Variants in DNASE1L3 observed in about 807,000 individuals in gnomAD.
DNASE1L3 encodes deoxyribonuclease 1L3.
DNASE1L3 carries 27 observed loss-of-function variants against 30.9 expected under a neutral mutation model. The observed-to-expected ratio is 0.87, with a 90% CI of 0.64 to 1.20. The LOEUF (loss-of-function observed/expected upper bound fraction) is 1.20, where lower values mean the gene tolerates loss of function less well. Among genes scored for constraint, DNASE1L3 ranks in the 50% most tolerant of loss-of-function variants. DNASE1L3 has a pLI of 0.00. For missense variants in DNASE1L3, 364 were observed against 378.2 expected (o/e 0.96, Z 0.31); for synonymous variants, 135 against 138.0 (o/e 0.98, Z 0.15).
At chr3:58,201,222 G>T (rs2097400377) in intron 4 of DNASE1L3, 113 bp from the exon 5 acceptor site, 2 of 717,030 alleles carry the variant, frequency 2.8e-6, no homozygotes, top group South Asian at 2.7e-5. Context: ...CATTATCTGG[G>T]TCCCCAGTTC....
At chr3:58,208,125 G>T in intron 2 of DNASE1L3, 93 bp downstream of exon 2, 1 of 1,238,970 alleles carries the variant, frequency 8.1e-7, no homozygotes, top group Non-Finnish European at 1.2e-6. Flanking sequence ...GTGGTCAAGT[G>T]CGGGATCTCA....
intron 5 of DNASE1L3, among the ~76,000 whole-genome samples, chr3:58,199,547 G>A (rs2097399335): frequency 6.6e-6 from 1 of 152,146 alleles, no homozygotes; most frequent in Non-Finnish European, 1.5e-5. Context: ...GCACATGCCT[G>A]TAATCCCAGC....
Position 58,192,511 on chromosome 3 carries a change from A to G in DNASE1L3, c.*176T>C. ...TTAGACAATTCAGGGGAGGTATGAGACCAAGAGAGATACAAAAGATTCTCC... is the reference window on the plus strand; with the variant it reads ...TTAGACAATTCAGGGGAGGTATGAGGCCAAGAGAGATACAAAAGATTCTCC... On this transcript the variant is annotated 3_prime_UTR_variant, in exon 8 of 8. Transcript: ENST00000394549. This position sits in a 1 kb window ranked among gnomAD's most constrained non-coding sequence, Gnocchi z 4.8. The G allele has an allele frequency of 1.6e-6, 1 of 634,278 alleles. No individual in the cohort carries two copies. The highest frequency in any genetic ancestry group is 2.6e-6 in the Non-Finnish European group (1 of 383,458). The allele number at this position is 634,278 out of a possible 1,614,324, so 39.3% of individuals were successfully genotyped here. A position where few individuals can be genotyped will look rare whatever the true frequency, so the allele number is the denominator to read the frequency against.
At chr3:58,208,331 G>T (rs780199881) in intron 1 of DNASE1L3, 25 bp from the exon 2 acceptor site, 2 of 1,611,824 alleles carry the variant, frequency 1.2e-6, no homozygotes, top group Admixed American at 3.3e-5. Context: ...ATTCCCAGGG[G>T]TTTGAGGTCA....
At chr3:58,207,441 ACC>A (rs751811685) in intron 2 of DNASE1L3, among the ~76,000 whole-genome samples, 1,250 of 33,656 alleles carry the variant, frequency 0.037, 11 homozygotes, top group African/African-American at 0.055. Flanking sequence ...CTCTGATCAC[ACC>A]CCCCCCCCCC....
Position 58,200,976 on chromosome 3 carries a change from G to C in DNASE1L3, c.546+21C>G. On this transcript the variant is annotated intron_variant, in intron 5 of 7. Transcript: ENST00000394549. The surrounding 1 kb of genome is among the most constrained non-coding windows in gnomAD (Gnocchi z 4.2). Reference sequence around the variant, plus strand: ...GCCTGCCCCTGCTAGATGGGAATTCGTCTGACACAGCAGTCCTCACCTCCG... The same window carrying C: ...GCCTGCCCCTGCTAGATGGGAATTCCTCTGACACAGCAGTCCTCACCTCCG... The C allele has an allele frequency of 6.3e-7, 1 of 1,599,002 alleles. No homozygotes were observed. Among genetic ancestry groups the C allele is most frequent in the South Asian group, 1.1e-5 (1 of 89,448 alleles).
intron 1 of DNASE1L3, among the ~76,000 whole-genome samples, chr3:58,209,449 T>C (rs551785675): frequency 1.1e-4 from 17 of 152,294 alleles, no homozygotes; most frequent in African/African-American, 2.9e-4. Context: ...GGGTTTCCCA[T>C]TGAACAATCT....
In DNASE1L3 at chr3:58,193,395, T is replaced by A. The variant is rs1475250583; in HGVS notation, c.749A>T (p.Lys250Met). Residue 250 changes from lysine to methionine, a missense_variant, in exon 7 of 8, where the codon AAG becomes ATG. By Grantham distance (95) the Lys-to-Met change is moderately conservative. Coordinates refer to ENST00000394549, the MANE Select transcript of DNASE1L3 (RefSeq NM_004944.4). ...CTGGAAGTCAAAAACACTGTTTGAC[T>A]TGGGAACAACAGAACTGACGATTTC... Reference protein sequence around the residue: ...GQEIVSSVVPKSNSVFDFQKA... With the variant: ...GQEIVSSVVPMSNSVFDFQKA... 6.2e-7 allele frequency: 1 copy of A among 1,614,166 alleles called. No homozygotes were observed.
Position 58,205,484 on chromosome 3 carries a change from C to G in DNASE1L3, c.307G>C (p.Ala103Pro). ...GGTGATACTTACTTGTAGAGAAAGG[C>G]ATATTGTTCTTTATATGTGTTTCTT... ...LGRNTYKEQYAFLYKEKLVSV... is the reference protein window; with the variant it reads ...LGRNTYKEQYPFLYKEKLVSV... The change falls in exon 3 of 8, where the codon GCC becomes CCC. Residue 103 changes from alanine to proline, a missense_variant. Coordinates refer to ENST00000394549, the MANE Select transcript of DNASE1L3 (RefSeq NM_004944.4). 1 of 1,613,736 alleles carries G rather than the reference C, an allele frequency of 6.2e-7. No homozygotes were observed.
chr3:58,205,217 G>C (rs2097403134), intron 3 of DNASE1L3, among the ~76,000 whole-genome samples: 1 of 152,234 alleles, frequency 6.6e-6, no homozygotes, highest in Admixed American at 6.5e-5. Context: ...GCCAGGACTT[G>C]ACTATGAGGA....
rs1324775576 is a variant in DNASE1L3, at chr3:58,197,485, C to T, written c.704+336G>A. Among the ~76,000 whole-genome samples the T allele has an allele frequency of 1.3e-5, 2 of 152,128 alleles. No homozygotes were observed. Among genetic ancestry groups the T allele is most frequent in the Admixed American group, 6.5e-5 (1 of 15,272 alleles). On this transcript the variant is annotated intron_variant, in intron 6 of 7. Coordinates refer to ENST00000394549, the MANE Select transcript of DNASE1L3 (RefSeq NM_004944.4). The surrounding 1 kb of genome is among the most constrained non-coding windows in gnomAD (Gnocchi z 5.3). ...TTTTTATTTTTGAGACAAAGTCTCA[C>T]TCTGTTACCCAGGCTGGAGTGCAGT...
intron 3 of DNASE1L3, 100 bp from the exon 4 acceptor site, chr3:58,204,981 G>T: frequency 9.2e-7 from 1 of 1,088,576 alleles, no homozygotes. Context: ...TCAGAAGCCA[G>T]AGCAGGCTCA....
rs768829032 is a variant in DNASE1L3, at chr3:58,200,913, C to T, written c.546+84G>A. The T allele has an allele frequency of 4.6e-6, 5 of 1,078,360 alleles. No individual in the cohort carries two copies. The highest frequency in any genetic ancestry group is 3.3e-5 in the South Asian group (2 of 61,312). 66.8% of individuals were successfully genotyped at this position (1,078,360 alleles called of 1,614,324 possible). On this transcript the variant is annotated intron_variant, in intron 5 of 7. Coordinates refer to ENST00000394549, the MANE Select transcript of DNASE1L3 (RefSeq NM_004944.4). This position sits in a 1 kb window ranked among gnomAD's most constrained non-coding sequence, Gnocchi z 4.2. ...GCCTGCACATGCCCTTCCTCCTCCC[C>T]CTCCCTGGAGAGGTACTCATCCCAC...
chr3:58,207,139 G>A (rs895979252), intron 2 of DNASE1L3, among the ~76,000 whole-genome samples: 1 of 152,180 alleles, frequency 6.6e-6, no homozygotes, highest in Non-Finnish European at 1.5e-5. Flanking sequence ...GGGAGGCTGA[G>A]AGGGGCAGAT....
rs1003737568 is a variant in DNASE1L3, at chr3:58,197,542, T to C, written c.704+279A>G. On this transcript the variant is annotated intron_variant, in intron 6 of 7. Transcript: ENST00000394549. This position sits in a 1 kb window ranked among gnomAD's most constrained non-coding sequence, Gnocchi z 5.3. ...ATCCTGGCTCACTGCAGCCTCCACC[T>C]TCTGGGCTCAAGCGATCCTCCCACC... 6.6e-6 allele frequency among the ~76,000 whole-genome samples: 1 copy of C among 152,212 alleles called. No homozygotes were observed. Among genetic ancestry groups the C allele is most frequent in the Non-Finnish European group, 1.5e-5 (1 of 68,032 alleles).
chr3:58,203,328 A>G (rs2097401970), intron 4 of DNASE1L3, among the ~76,000 whole-genome samples: 1 of 152,130 alleles, frequency 6.6e-6, no homozygotes, highest in Admixed American at 6.6e-5. Context: ...TTTTGTGCTC[A>G]CTGTGCCCTC....
intron 1 of DNASE1L3, 65 bp from the exon 2 acceptor site, chr3:58,208,371 G>T: frequency 1.3e-6 from 2 of 1,504,698 alleles, no homozygotes; most frequent in Non-Finnish European, 1.9e-6. Flanking sequence ...ACCTTTTATT[G>T]GACACTTACT....
At chr3:58,209,676 G>A (rs989827175) in intron 1 of DNASE1L3, among the ~76,000 whole-genome samples, 4 of 152,186 alleles carry the variant, frequency 2.6e-5, no homozygotes, top group Admixed American at 1.3e-4. Context: ...GCTCTGCTGG[G>A]TGCCTCAGGC....
intron 6 of DNASE1L3, among the ~76,000 whole-genome samples, chr3:58,196,563 A>C (rs1477459679): frequency 1.3e-5 from 2 of 150,668 alleles, no homozygotes; most frequent in African/African-American, 4.9e-5. Flanking sequence ...AAAAAAAAAA[A>C]AAAAAAAAAA....
Sources: gnomAD v4.1 joint callset for allele counts (sites outside exome capture counted in the v4.1 genomes callset) on GRCh38, gnomAD v4.1.1 for gene constraint, Gnocchi (gnomAD v3.1) non-coding constraint, MANE v1.5 for transcripts, NCBI Gene and HGNC (gene_info 2026-07-23, HGNC 2026-07-21) for gene names.